Variants in ATP10B observed in about 807,000 individuals in gnomAD.
The protein encoded by ATP10B is phospholipid-transporting ATPase VB.
Under a neutral mutation model 141.2 loss-of-function variants are expected in ATP10B, and 122 were observed. The ratio of observed to expected loss-of-function variants is 0.86; its 90% CI spans 0.75 to 1.00. The LOEUF is 1.00. ATP10B is among the 50% of genes least tolerant of loss of function. The pLI is 0.00. For missense variants in ATP10B, 1,876 were observed against 1,825.3 expected (o/e 1.03, Z -0.51); for synonymous variants, 685 against 692.0 (o/e 0.99, Z 0.16).
At chr5:160,755,597 C>T (rs1450841190) in intron 2 of ATP10B, among the ~76,000 whole-genome samples, 2 of 150,060 alleles carry the variant, frequency 1.3e-5, no homozygotes, top group Non-Finnish European at 3.0e-5. Context: ...GGGCGGATCA[C>T]GAGGTCAGGA....
rs796263063 is a variant in ATP10B at position 160,766,375 on chromosome 5, C to T, written c.-331+19184G>A. Among the ~76,000 whole-genome samples the T allele has an allele frequency of 4.9e-3, 604 of 123,372 alleles. 2 individuals carry two copies. Among genetic ancestry groups the T allele is most frequent in the East Asian group, 0.035 (169 of 4,788 alleles). The allele number at this position is 123,372 out of a possible 152,430, so 80.9% of individuals were successfully genotyped here. On this transcript the variant is annotated intron_variant, in intron 2 of 25. Coordinates refer to ENST00000327245, the MANE Select transcript of ATP10B (RefSeq NM_025153.3). ...ACACACACACACACACACACACACA[C>T]ACACACACAGACACTCACCATGGAA...
chr5:160,808,312 A>G (rs527589483), intron 1 of ATP10B, among the ~76,000 whole-genome samples: 1 of 152,314 alleles, frequency 6.6e-6, no homozygotes, highest in South Asian at 2.1e-4. Context: ...TATTATTCTG[A>G]TATCCCCGGA....
the ATP10B span, among the ~76,000 whole-genome samples, chr5:160,876,813 C>T: frequency 6.7e-6 from 1 of 150,302 alleles, no homozygotes; most frequent in Non-Finnish European, 1.5e-5. Flanking sequence ...TGGACACATA[C>T]ACTCTCCCAA....
chr5:160,584,281 G>A (rs906545395), intron 24 of ATP10B, among the ~76,000 whole-genome samples: 3 of 152,158 alleles, frequency 2.0e-5, no homozygotes, highest in Non-Finnish European at 2.9e-5. Flanking sequence ...CTTGGCTAGG[G>A]CAGGCAGTTC....
At chr5:160,751,995 A>G (rs540729535) in intron 2 of ATP10B, among the ~76,000 whole-genome samples, 1 of 152,166 alleles carries the variant, frequency 6.6e-6, no homozygotes, top group African/African-American at 2.4e-5. Context: ...CTAATTGGCT[A>G]TATGTGTAGG....
rs567785896 is a variant in ATP10B at position 160,795,672 on chromosome 5, T to G, written c.-575-9869A>C. On this transcript the variant is annotated intron_variant, in intron 1 of 25. Transcript: ENST00000327245. ...CTAGATTATTCAGGTGGGTCCTAAA[T>G]CCAATGACAAGTGTCCTTATAAGAG... Among the ~76,000 whole-genome samples the G allele has an allele frequency of 7.2e-5, 11 of 151,806 alleles. No individual in the cohort carries two copies. In the South Asian group the frequency reaches 2.3e-3, roughly 32 times the overall value.
At chr5:160,800,917 T>C (rs763612081) in intron 1 of ATP10B, among the ~76,000 whole-genome samples, 3 of 152,200 alleles carry the variant, frequency 2.0e-5, no homozygotes, top group Admixed American at 6.5e-5. Context: ...GCAGGGCCCT[T>C]CCACCCAGGT....
chr5:160,707,671 A>G (rs1260274513), intron 3 of ATP10B, among the ~76,000 whole-genome samples: 1 of 152,236 alleles, frequency 6.6e-6, no homozygotes, highest in Admixed American at 6.5e-5. Flanking sequence ...AAGCCTATTA[A>G]TATCAGATGA....
chr5:160,579,235 T>C (rs987302843), intron 24 of ATP10B, among the ~76,000 whole-genome samples: 4 of 152,248 alleles, frequency 2.6e-5, no homozygotes, highest in Non-Finnish European at 5.9e-5. Flanking sequence ...AGTCATGAAG[T>C]CTTTGCCCAT....
intron 1 of ATP10B, among the ~76,000 whole-genome samples, chr5:160,823,582 C>T (rs1366821249): frequency 6.6e-6 from 1 of 152,170 alleles, no homozygotes; most frequent in African/African-American, 2.4e-5. Context: ...TTCAGCCAGG[C>T]TCTGTGGCCT....
At chr5:160,752,317 G>A (rs4532394) in intron 2 of ATP10B, among the ~76,000 whole-genome samples, 6 of 152,034 alleles carry the variant, frequency 3.9e-5, no homozygotes, top group Admixed American at 2.6e-4. Flanking sequence ...AAAGTCCAGA[G>A]AGGCTAACTG....
chr5:160,798,828 G>A (rs1291407234), intron 1 of ATP10B, among the ~76,000 whole-genome samples: 1 of 140,966 alleles, frequency 7.1e-6, no homozygotes, highest in Admixed American at 7.8e-5. Flanking sequence ...TCAGCTCACT[G>A]CAACCTCTGC....
upstream of ATP10B, among the ~76,000 whole-genome samples, chr5:160,852,452 C>T (rs1288352431): frequency 6.6e-6 from 1 of 152,082 alleles, no homozygotes; most frequent in Non-Finnish European, 1.5e-5. Context: ...ACAATTATAA[C>T]CTTGCAGTTC....
intron 2 of ATP10B, among the ~76,000 whole-genome samples, chr5:160,780,741 C>T (rs1195331191): frequency 6.6e-6 from 1 of 152,140 alleles, no homozygotes; most frequent in Non-Finnish European, 1.5e-5. Flanking sequence ...ATGATCTACT[C>T]AGGTCTATAA....
chr5:160,738,505 G>A (rs112195105), intron 2 of ATP10B, among the ~76,000 whole-genome samples: 13,441 of 151,962 alleles, frequency 0.088, 623 homozygotes, highest in Middle Eastern at 0.11. Context: ...AAATTGATAC[G>A]CCACTATTTA....
chr5:160,604,573 G>C (rs538695873), intron 19 of ATP10B, among the ~76,000 whole-genome samples: 14 of 152,270 alleles, frequency 9.2e-5, no homozygotes, highest in African/African-American at 3.1e-4. Flanking sequence ...TGGTTTCCAA[G>C]GAGAGGGATG....
At chr5:160,907,417 C>T in the ATP10B span, among the ~76,000 whole-genome samples, 1 of 152,004 alleles carries the variant, frequency 6.6e-6, no homozygotes, top group African/African-American at 2.4e-5. Context: ...GTTGCCCAGG[C>T]TGGAGTGCAG....
chr5:160,734,521 A>G (rs1451874696), intron 2 of ATP10B, among the ~76,000 whole-genome samples: 3 of 152,110 alleles, frequency 2.0e-5, no homozygotes, highest in African/African-American at 7.2e-5. Flanking sequence ...TAAGTAGACT[A>G]TTAAAAGTTA....
chr5:160,629,869 G>A (rs1443596615), intron 13 of ATP10B, among the ~76,000 whole-genome samples: 3 of 152,168 alleles, frequency 2.0e-5, no homozygotes, highest in African/African-American at 7.2e-5. Flanking sequence ...AAGTTAGCCT[G>A]CAGGTCAGCA....
Sources: allele counts gnomAD v4.1 joint callset (sites outside exome capture counted in the v4.1 genomes callset), GRCh38; gene constraint gnomAD v4.1.1; transcripts MANE v1.5; gene names NCBI Gene and HGNC (gene_info 2026-07-23, HGNC 2026-07-21).